Variants in THEMIS observed in about 807,000 individuals in gnomAD.
The protein encoded by THEMIS is protein THEMIS.
A neutral mutation model predicts 52.6 loss-of-function variants in THEMIS; 37 were observed. The ratio of observed to expected loss-of-function variants is 0.70; its 90% confidence interval spans 0.54 to 0.93. THEMIS has a LOEUF of 0.93. THEMIS is among the 40% of genes least tolerant of loss of function. THEMIS has a pLI of 0.00. For synonymous variants in THEMIS, 292 were observed against 272.7 expected (o/e 1.07, Z -0.70); for missense variants, 808 against 763.1 (o/e 1.06, Z -0.69).
At chr6:127,741,368 T>G (rs1193609002) in intron 4 of THEMIS, among the ~76,000 whole-genome samples, 1 of 152,200 alleles carries the variant, frequency 6.6e-6, no homozygotes, top group Non-Finnish European at 1.5e-5. Context: ...CAGCATTGTT[T>G]GATGTTGCTT....
In THEMIS at chr6:127,855,104, ATCT is replaced by A; in HGVS notation, c.173_175del (p.Lys58del). The A allele has an allele frequency of 6.2e-7, 1 of 1,611,502 alleles. No individual in the cohort carries two copies. ...AATCTGCTCACAAATTTCAGCTATG[ATCT>A]TCTTAACTTTGAGACCAGTAATTTT... is the stretch of plus-strand genomic sequence containing the variant. On this transcript the variant is annotated inframe_deletion, in exon 2 of 6. Coordinates refer to ENST00000368248, the MANE Select transcript of THEMIS (RefSeq NM_001010923.3).
chr6:127,840,938 T>C (rs1196397136), intron 2 of THEMIS, among the ~76,000 whole-genome samples: 1 of 151,950 alleles, frequency 6.6e-6, no homozygotes, highest in Non-Finnish European at 1.5e-5. Context: ...TTACCACGGA[T>C]TAGAGGAGAG....
chr6:127,730,291 GA>G lies in THEMIS; in HGVS notation c.1759-10469del, dbSNP rs1347847532. ...TCTATAGGAAATAAAGAAAAGAAAA[GA>G]AAAGAAAAGAAAAGAAAAGAAAAGA... On this transcript the variant is annotated intron_variant, in intron 4 of 5. Transcript: ENST00000368248. 5.0e-3 allele frequency among the ~76,000 whole-genome samples: 612 copies of G among 121,210 alleles called. 6 individuals are homozygous for G. Among genetic ancestry groups the G allele is most frequent in the African/African-American group, 0.019 (590 of 31,104 alleles). The allele number at this position is 121,210 out of a possible 152,430, so 79.5% of individuals were successfully genotyped here.
Position 127,760,083 on chromosome 6 carries a change from C to CTT in THEMIS, c.1759-40262_1759-40261dup, listed in dbSNP as rs34663747. On this transcript the variant is annotated intron_variant, in intron 4 of 5. Transcript: ENST00000368248. Reference sequence around the variant, plus strand: ...ATAGTGTAAGCTAAGAATCGAATCTCTTTTTTTTTTTTTGCATGTGGATTT... The same window carrying CTT: ...ATAGTGTAAGCTAAGAATCGAATCTCTTTTTTTTTTTTTTTGCATGTGGATTT... 1.2e-3 allele frequency among the ~76,000 whole-genome samples: 174 copies of CTT among 143,086 alleles called. 1 individual carries two copies. Among genetic ancestry groups the CTT allele is most frequent in the South Asian group, 8.7e-3 (39 of 4,508 alleles). The allele number at this position is 143,086 out of a possible 152,430, so 93.9% of individuals were successfully genotyped here. A position where few individuals can be genotyped will look rare whatever the true frequency, so the allele number is the denominator to read the frequency against.
At chr6:127,714,034 A>G (rs1218302427) in intron 5 of THEMIS, among the ~76,000 whole-genome samples, 1 of 151,894 alleles carries the variant, frequency 6.6e-6, no homozygotes, top group Non-Finnish European at 1.5e-5. Flanking sequence ...GGAAAAAAAA[A>G]TGGGCATATT....
downstream of THEMIS, among the ~76,000 whole-genome samples, chr6:127,703,893 C>A (rs999919563): frequency 2.6e-5 from 4 of 152,056 alleles, no homozygotes; most frequent in Non-Finnish European, 5.9e-5. Context: ...ATTATGGAGG[C>A]TAAGAAGTCT....
At chr6:127,827,928 C>A (rs1378139642) in intron 3 of THEMIS, among the ~76,000 whole-genome samples, 2 of 152,180 alleles carry the variant, frequency 1.3e-5, no homozygotes, top group African/African-American at 4.8e-5. Flanking sequence ...CTCCCCATTG[C>A]ATGTGTTCAT....
chr6:127,833,151 C>T (rs116496898), intron 2 of THEMIS, among the ~76,000 whole-genome samples: 12,487 of 151,750 alleles, frequency 0.082, 517 homozygotes, highest in African/African-American at 0.095. Context: ...AAAAAAAACA[C>T]GTCACTTAAC....
intron 4 of THEMIS, among the ~76,000 whole-genome samples, chr6:127,779,718 G>A (rs1776681319): frequency 2.0e-5 from 3 of 152,252 alleles, no homozygotes; most frequent in East Asian, 3.9e-4. Flanking sequence ...AATCAAATGA[G>A]TTAAAGCTGT....
chr6:127,701,081 A>G, the THEMIS span, among the ~76,000 whole-genome samples: 3 of 152,168 alleles, frequency 2.0e-5, no homozygotes, highest in East Asian at 5.8e-4. Flanking sequence ...ACCTATGTAT[A>G]TTTTGATATA....
At chr6:127,844,174 T>C (rs911859795) in intron 2 of THEMIS, among the ~76,000 whole-genome samples, 1 of 152,046 alleles carries the variant, frequency 6.6e-6, no homozygotes, top group South Asian at 2.1e-4. Context: ...AGACTCAGCG[T>C]AACCACTTGC....
At chr6:127,758,814 CTG>C (rs1251034156) in intron 4 of THEMIS, among the ~76,000 whole-genome samples, 2 of 152,046 alleles carry the variant, frequency 1.3e-5, no homozygotes, top group East Asian at 1.9e-4. Context: ...GAAAAAGAAA[CTG>C]TTTCTTTGTT....
chr6:127,775,352 T>TG (rs1260481997), intron 4 of THEMIS, among the ~76,000 whole-genome samples: 4 of 152,248 alleles, frequency 2.6e-5, no homozygotes, highest in African/African-American at 4.8e-5. Context: ...TAGACAAAAG[T>TG]GACGTCCACC....
At chr6:127,907,593 A>G (rs1781308062) in intron 1 of THEMIS, among the ~76,000 whole-genome samples, 1 of 151,916 alleles carries the variant, frequency 6.6e-6, no homozygotes, top group Non-Finnish European at 1.5e-5. Flanking sequence ...TTTCAGGTTC[A>G]CGGGCTCTAC....
intron 4 of THEMIS, among the ~76,000 whole-genome samples, chr6:127,739,297 A>C (rs368314380): frequency 2.0e-5 from 3 of 152,178 alleles, no homozygotes; most frequent in African/African-American, 7.2e-5. Flanking sequence ...CCAAGGAACA[A>C]AGAGTTGAGA....
At chr6:127,883,295 C>T (rs1780542792) in intron 1 of THEMIS, among the ~76,000 whole-genome samples, 1 of 151,674 alleles carries the variant, frequency 6.6e-6, no homozygotes, top group Non-Finnish European at 1.5e-5. Flanking sequence ...AGTTTTATCC[C>T]TATAGCAGAG....
chr6:127,710,239 G>A (rs1294478651), intron 5 of THEMIS, among the ~76,000 whole-genome samples: 2 of 151,832 alleles, frequency 1.3e-5, no homozygotes, highest in African/African-American at 4.8e-5. Context: ...GTATGAGGTA[G>A]GAGATAATAG....
chr6:127,776,555 A>G (rs146948252), intron 4 of THEMIS, among the ~76,000 whole-genome samples: 1 of 152,208 alleles, frequency 6.6e-6, no homozygotes, highest in Non-Finnish European at 1.5e-5. Flanking sequence ...AGCAATTTTG[A>G]TGAATGTAGC....
intron 4 of THEMIS, among the ~76,000 whole-genome samples, chr6:127,762,636 A>G (rs184509493): frequency 6.6e-6 from 1 of 152,208 alleles, no homozygotes; most frequent in African/African-American, 2.4e-5. Flanking sequence ...AGAAGTAGAC[A>G]TGATTGTCTT....
Sources: allele counts gnomAD v4.1 joint callset (sites outside exome capture counted in the v4.1 genomes callset), GRCh38; gene constraint gnomAD v4.1.1; transcripts MANE v1.5; gene names NCBI Gene and HGNC (gene_info 2026-07-23, HGNC 2026-07-21).